Variants in C16orf89 observed in about 807,000 individuals in gnomAD.
C16orf89 encodes the protein chromosome 16 open reading frame 89, also known as UPF0764 protein C16orf89.
C16orf89 carries 57 observed loss-of-function variants against 41.5 expected under a neutral mutation model. That is an observed-to-expected ratio of 1.38 (90% CI 1.11 to 1.71). C16orf89 has a LOEUF of 1.71. Ranked by LOEUF, C16orf89 falls within the 40% of genes most tolerant of loss-of-function variation. The probability of loss-of-function intolerance (pLI) is 0.00; values close to 1 mark genes in which losing one functional copy is unlikely to be tolerated. For missense variants in C16orf89, 575 were observed against 445.9 expected (o/e 1.29, Z -2.61); for synonymous variants, 223 against 190.6 (o/e 1.17, Z -1.40).
At chr16:5,046,715 C>T (rs1956304508) in intron 7 of C16orf89, among the ~76,000 whole-genome samples, 1 of 152,164 alleles carries the variant, frequency 6.6e-6, no homozygotes, top group Non-Finnish European at 1.5e-5. Context: ...TTCCTCCCTT[C>T]CTGTGTCCCC....
At chr16:5,052,774 T>A (rs1389903326) in intron 6 of C16orf89, among the ~76,000 whole-genome samples, 1 of 152,178 alleles carries the variant, frequency 6.6e-6, no homozygotes, top group Non-Finnish European at 1.5e-5. Flanking sequence ...ATCCCACTAC[T>A]GGATATTTAT....
chr16:5,053,292 C>G (rs1393938009), intron 6 of C16orf89, among the ~76,000 whole-genome samples: 1 of 151,970 alleles, frequency 6.6e-6, no homozygotes, highest in Non-Finnish European at 1.5e-5. Flanking sequence ...ATCGCTTGTA[C>G]CTGGGAGGCG....
At chr16:5,052,929 A>C (rs117282658) in intron 6 of C16orf89, among the ~76,000 whole-genome samples, 4,784 of 152,336 alleles carry the variant, frequency 0.031, 113 homozygotes, top group Middle Eastern at 0.086. Context: ...AGACCCAATG[A>C]AGTACTATTT....
At chr16:5,053,787 T>G (rs1028729346) in intron 6 of C16orf89, among the ~76,000 whole-genome samples, 1 of 152,232 alleles carries the variant, frequency 6.6e-6, no homozygotes, top group African/African-American at 2.4e-5. Flanking sequence ...GCTCAAGCCA[T>G]CTGCCTGCCT....
At position 5,047,887 on chromosome 16, in the gene C16orf89, GT is replaced by G; in HGVS notation, c.945del (p.Lys315AsnfsTer64). 2 of 1,574,400 alleles carry G rather than the reference GT, an allele frequency of 1.3e-6. No individual in the cohort carries two copies. The highest frequency in any genetic ancestry group is 1.3e-5 in the African/African-American group (1 of 74,270). On this transcript the variant is annotated frameshift_variant, in exon 7 of 8. Transcript: ENST00000472572. LOFTEE classifies it low-confidence loss of function (END_TRUNC). ...TGGGTATTTTCATTACCTGGAAATT[GT>G]TTTTCTCGCCTCTTCACTCTCCTCG... ...HFSRRVKRRE[K>X]QFPDGCSSHN...
At chr16:5,054,609 A>T (rs781487680) in intron 6 of C16orf89, among the ~76,000 whole-genome samples, 1 of 152,144 alleles carries the variant, frequency 6.6e-6, no homozygotes, top group Non-Finnish European at 1.5e-5. Flanking sequence ...TGGGTGCTCA[A>T]TACGTACTTG....
At chr16:5,057,291 T>TGTATATATATATATAGTG (rs1225113817) in intron 4 of C16orf89, among the ~76,000 whole-genome samples, 1 of 130,884 alleles carries the variant, frequency 7.6e-6, no homozygotes, top group Non-Finnish European at 1.7e-5. Flanking sequence ...TATATATATG[T>TGTATATATATATATAGTG]GTATATATAT....
intron 6 of C16orf89, among the ~76,000 whole-genome samples, chr16:5,050,920 T>A (rs967629907): frequency 2.0e-5 from 3 of 152,208 alleles, no homozygotes. Flanking sequence ...ATAAATATGA[T>A]ACATTACACC....
chr16:5,049,061 G>T (rs1005119692), intron 6 of C16orf89, among the ~76,000 whole-genome samples: 2 of 152,198 alleles, frequency 1.3e-5, no homozygotes, highest in Non-Finnish European at 2.9e-5. Flanking sequence ...AAGGAAGAAG[G>T]AGTAGCTATA....
intron 6 of C16orf89, among the ~76,000 whole-genome samples, chr16:5,052,095 G>C (rs1368266282): frequency 1.1e-5 from 1 of 88,062 alleles, no homozygotes; most frequent in African/African-American, 4.6e-5. Context: ...GAACGAGACT[G>C]TCTCAAAAAA....
chr16:5,053,262 C>T (rs180997857), intron 6 of C16orf89, among the ~76,000 whole-genome samples: 81 of 152,090 alleles, frequency 5.3e-4, no homozygotes, highest in Admixed American at 9.8e-4. Flanking sequence ...CCCAGCTACT[C>T]GGGAGGCTGA....
chr16:5,058,249 C>A (rs3743836), intron 4 of C16orf89, among the ~76,000 whole-genome samples: 23,047 of 151,888 alleles, frequency 0.15, 1,926 homozygotes, highest in East Asian at 0.3. Flanking sequence ...GCCTCAGCCT[C>A]CTCTTGTAGC....
intron 2 of C16orf89, among the ~76,000 whole-genome samples, chr16:5,061,502 A>AAAG (rs796550657): frequency 0.48 from 22,314 of 46,094 alleles, 6,194 homozygotes; most frequent in Admixed American, 0.54. Flanking sequence ...AAAAAAAAAA[A>AAAG]AACCCCCCCA....
downstream of C16orf89, chr16:5,043,123 A>C (rs527400995): frequency 3.9e-5 from 6 of 152,222 alleles, no homozygotes; most frequent in African/African-American, 1.4e-4. Flanking sequence ...GCAGTGGTGC[A>C]ATCATACCTC....
intron 7 of C16orf89, among the ~76,000 whole-genome samples, chr16:5,047,212 C>T (rs963595086): frequency 2.0e-5 from 3 of 152,184 alleles, no homozygotes; most frequent in Admixed American, 2.0e-4. Flanking sequence ...CATTCTCCAG[C>T]TCTAGGGAGG....
At chr16:5,042,778 C>T (rs1956231554), downstream of C16orf89, 2 of 152,242 alleles carry the variant, frequency 1.3e-5, no homozygotes, top group African/African-American at 4.8e-5. This position sits in a 1 kb window ranked among gnomAD's most constrained non-coding sequence, Gnocchi z 4.2. Flanking sequence ...ATCATAATGT[C>T]CCAGAAGGTT....
At chr16:5,062,288 G>A in intron 2 of C16orf89, 137 bp downstream of exon 2, 1 of 1,121,872 alleles carries the variant, frequency 8.9e-7, no homozygotes, top group Non-Finnish European at 1.2e-6. Context: ...TCTGTGGCTT[G>A]CTCAGCAGAC....
chr16:5,045,796 C>G (rs1956285209), intron 7 of C16orf89, among the ~76,000 whole-genome samples: 1 of 152,160 alleles, frequency 6.6e-6, no homozygotes, highest in Non-Finnish European at 1.5e-5. Flanking sequence ...AAACCCTGTG[C>G]TCCTAATCTC....
Position 5,060,540 on chromosome 16 carries a change from G to C in C16orf89, c.359-104C>G, listed in dbSNP as rs1312847448. On this transcript the variant is annotated intron_variant, in intron 2 of 7. Coordinates refer to ENST00000472572, the MANE Select transcript of C16orf89 (RefSeq NM_001098514.3). ...CTCCTGCAGCCCTGCCCACTGGCAGGTGCAGCTCAGGGCTCTAAGCCCTGT... is the reference window on the plus strand; with the variant it reads ...CTCCTGCAGCCCTGCCCACTGGCAGCTGCAGCTCAGGGCTCTAAGCCCTGT... The C allele has an allele frequency of 2.4e-6, 3 of 1,235,278 alleles. No homozygotes were observed. The East Asian group carries it at 7.7e-5, about 32-fold the overall frequency. The allele number at this position is 1,235,278 out of a possible 1,614,324, so 76.5% of individuals were successfully genotyped here.
Sources: allele counts gnomAD v4.1 joint callset (sites outside exome capture counted in the v4.1 genomes callset), GRCh38; gene constraint gnomAD v4.1.1; non-coding constraint Gnocchi (gnomAD v3.1); transcripts MANE v1.5; gene names NCBI Gene and HGNC (gene_info 2026-07-23, HGNC 2026-07-21).